Variants in HTR7 observed in about 807,000 individuals in gnomAD.
HTR7 encodes the protein 5-hydroxytryptamine receptor 7, also known as 5-HT-7.
In HTR7, 16 loss-of-function variants were observed where a neutral mutation model predicts 34.0. That is an observed-to-expected ratio of 0.47 (90% confidence interval 0.32 to 0.71). HTR7 has a LOEUF of 0.71. HTR7 is among the 30% of genes least tolerant of loss of function. The probability of loss-of-function intolerance (pLI) is 0.04; values close to 1 mark genes in which losing one functional copy is unlikely to be tolerated. For missense variants in HTR7, 504 were observed against 625.5 expected (o/e 0.81, Z 2.07); for synonymous variants, 265 against 260.2 (o/e 1.02, Z -0.18).
chr10:90,812,514 T>A (rs1737101302), intron 1 of HTR7, among the ~76,000 whole-genome samples: 1 of 152,178 alleles, frequency 6.6e-6, no homozygotes, highest in South Asian at 2.1e-4. Flanking sequence ...TTTTTCTCCT[T>A]CTCTTATTCC....
At chr10:90,754,596 T>C (rs1844803339) in intron 1 of HTR7, among the ~76,000 whole-genome samples, 1 of 152,126 alleles carries the variant, frequency 6.6e-6, no homozygotes, top group Non-Finnish European at 1.5e-5. Context: ...ATTATATAAT[T>C]GAGGAATATA....
At chr10:90,767,973 A>G (rs1374172561) in intron 1 of HTR7, among the ~76,000 whole-genome samples, 1 of 152,124 alleles carries the variant, frequency 6.6e-6, no homozygotes, top group African/African-American at 2.4e-5. Flanking sequence ...CTACTTGGGT[A>G]TCTTTAAAGT....
At chr10:90,787,742 A>G (rs2119868810) in intron 1 of HTR7, among the ~76,000 whole-genome samples, 1 of 152,232 alleles carries the variant, frequency 6.6e-6, no homozygotes, top group Non-Finnish European at 1.5e-5. Context: ...TTTACAGATG[A>G]CAAAGCTGAG....
At chr10:90,847,094 C>G (rs144033669) in intron 1 of HTR7, among the ~76,000 whole-genome samples, 1 of 152,258 alleles carries the variant, frequency 6.6e-6, no homozygotes, top group East Asian at 1.9e-4. Context: ...AATAAATACA[C>G]AATATTTGAA....
At chr10:90,797,556 C>T (rs886652595) in intron 1 of HTR7, among the ~76,000 whole-genome samples, 1 of 152,174 alleles carries the variant, frequency 6.6e-6, no homozygotes, top group Non-Finnish European at 1.5e-5. Flanking sequence ...CCATTCTTTG[C>T]ATTTTGGGAA....
Position 90,749,707 on chromosome 10 carries a change from G to C in HTR7, c.540-113C>G. 1 of 931,602 alleles carries C rather than the reference G, an allele frequency of 1.1e-6. No individual in the cohort carries two copies. Among genetic ancestry groups the C allele is most frequent in the Non-Finnish European group, 1.6e-6 (1 of 617,192 alleles). 57.7% of individuals were successfully genotyped at this position (931,602 alleles called of 1,614,324 possible). On this transcript the variant is annotated intron_variant, in intron 1 of 3. Coordinates refer to ENST00000336152, the MANE Select transcript of HTR7 (RefSeq NM_019859.4). The surrounding 1 kb of genome is among the most constrained non-coding windows in gnomAD (Gnocchi z 4.2). ...GTCCTCGCAACAGCCCTTCTAGGTA[G>C]GCATCATTACTCCCATTTTGCAGAA...
chr10:90,825,681 A>T (rs1232564964), intron 1 of HTR7, among the ~76,000 whole-genome samples: 2 of 152,228 alleles, frequency 1.3e-5, no homozygotes, highest in African/African-American at 4.8e-5. Flanking sequence ...AAAATCAAAC[A>T]AATTCTAGAG....
At position 90,857,768 on chromosome 10, in the gene HTR7, C is replaced by A; in HGVS notation, c.-97G>T. 1 of 1,261,652 alleles carries A rather than the reference C, an allele frequency of 7.9e-7. No homozygotes were observed. The highest frequency in any genetic ancestry group is 3.2e-5 in the East Asian group (1 of 31,630). The allele number at this position is 1,261,652 out of a possible 1,614,324, so 78.2% of individuals were successfully genotyped here. A position where few individuals can be genotyped will look rare whatever the true frequency, so the allele number is the denominator to read the frequency against. On this transcript the variant is annotated 5_prime_UTR_variant, in exon 1 of 4. Transcript: ENST00000336152. This position sits in a 1 kb window ranked among gnomAD's most constrained non-coding sequence, Gnocchi z 6.5. Reference sequence around the variant, plus strand: ...TTCACCTCACCGGTTCCGCTCCGCCCGGCCCAGCCATGGGGCCCGCGCCGA... The same window carrying A: ...TTCACCTCACCGGTTCCGCTCCGCCAGGCCCAGCCATGGGGCCCGCGCCGA...
At chr10:90,779,294 G>A (rs1383799199) in intron 1 of HTR7, among the ~76,000 whole-genome samples, 1 of 152,128 alleles carries the variant, frequency 6.6e-6, no homozygotes, top group African/African-American at 2.4e-5. Context: ...ACATCACCAG[G>A]AATGACAAAA....
At chr10:90,852,078 G>T (rs1464416477) in intron 1 of HTR7, among the ~76,000 whole-genome samples, 1 of 152,000 alleles carries the variant, frequency 6.6e-6, no homozygotes, top group Non-Finnish European at 1.5e-5. Flanking sequence ...ATAATGCTGG[G>T]CCGGGCATGA....
intron 1 of HTR7, among the ~76,000 whole-genome samples, chr10:90,770,271 G>C (rs925820926): frequency 6.6e-6 from 1 of 152,212 alleles, no homozygotes; most frequent in Non-Finnish European, 1.5e-5. Context: ...TGCTGCCCTG[G>C]GGGCCACTGC....
chr10:90,813,251 G>A lies in HTR7; in HGVS notation c.539+43882C>T, dbSNP rs978341858. 5.3e-5 allele frequency among the ~76,000 whole-genome samples: 8 copies of A among 152,268 alleles called. No individual in the cohort carries two copies. The East Asian group carries it at 9.7e-4, about 18-fold the overall frequency. ...TGTTTGGTGGTCTCTTCACACGGAC[G>A]CGCATGAAACCTATAATACCAGCAC... is the stretch of plus-strand genomic sequence containing the variant. On this transcript the variant is annotated intron_variant, in intron 1 of 3. Coordinates refer to ENST00000336152, the MANE Select transcript of HTR7 (RefSeq NM_019859.4).
intron 1 of HTR7, among the ~76,000 whole-genome samples, chr10:90,757,771 C>A (rs956877047): frequency 6.6e-6 from 1 of 151,898 alleles, no homozygotes; most frequent in Non-Finnish European, 1.5e-5. Flanking sequence ...CCAACAATAA[C>A]AACAATGAAA....
At chr10:90,798,827 G>A (rs1294334646) in intron 1 of HTR7, among the ~76,000 whole-genome samples, 1 of 152,104 alleles carries the variant, frequency 6.6e-6, no homozygotes, top group African/African-American at 2.4e-5. Flanking sequence ...ATCAACTTTG[G>A]GAGGAACTTA....
intron 1 of HTR7, among the ~76,000 whole-genome samples, chr10:90,831,148 A>G (rs937747562): frequency 4.1e-4 from 63 of 152,326 alleles, no homozygotes; most frequent in African/African-American, 1.5e-3. Context: ...CTATTTGCAG[A>G]CCCATGGGCT....
At chr10:90,830,430 A>C (rs931432418) in intron 1 of HTR7, among the ~76,000 whole-genome samples, 2 of 152,206 alleles carry the variant, frequency 1.3e-5, no homozygotes, top group Non-Finnish European at 2.9e-5. Flanking sequence ...GAAAAGGCAA[A>C]AGTCATAGCT....
chr10:90,857,766 C>T lies in HTR7; in HGVS notation c.-95G>A. ...GCTTCACCTCACCGGTTCCGCTCCG[C>T]CCGGCCCAGCCATGGGGCCCGCGCC... On this transcript the variant is annotated 5_prime_UTR_variant, in exon 1 of 4. Transcript: ENST00000336152. This position sits in a 1 kb window ranked among gnomAD's most constrained non-coding sequence, Gnocchi z 6.5. 3 of 1,264,614 alleles carry T rather than the reference C, an allele frequency of 2.4e-6. No homozygotes were observed. The highest frequency in any genetic ancestry group is 3.1e-6 in the Non-Finnish European group (3 of 982,006). 78.3% of individuals were successfully genotyped at this position (1,264,614 alleles called of 1,614,324 possible). A position where few individuals can be genotyped will look rare whatever the true frequency, so the allele number is the denominator to read the frequency against.
chr10:90,820,614 C>A (rs953888304), intron 1 of HTR7, among the ~76,000 whole-genome samples: 1 of 152,134 alleles, frequency 6.6e-6, no homozygotes, highest in Non-Finnish European at 1.5e-5. Flanking sequence ...CAGAACAAAA[C>A]GTCAACATAG....
chr10:90,819,250 T>C (rs1175577403), intron 1 of HTR7, among the ~76,000 whole-genome samples: 1 of 152,234 alleles, frequency 6.6e-6, no homozygotes, highest in African/African-American at 2.4e-5. Context: ...AAATGACCTA[T>C]ATACTTATCT....
Sources: gnomAD v4.1 joint callset for allele counts (sites outside exome capture counted in the v4.1 genomes callset) on GRCh38, gnomAD v4.1.1 for gene constraint, Gnocchi (gnomAD v3.1) non-coding constraint, MANE v1.5 for transcripts, NCBI Gene and HGNC (gene_info 2026-07-23, HGNC 2026-07-21) for gene names.